PHEX: variants seen among roughly 807,000 people sequenced by gnomAD.
PHEX encodes the protein phosphate-regulating neutral endopeptidase PHEX.
In PHEX, 16 loss-of-function variants were observed where a neutral mutation model predicts 68.0. That is an observed-to-expected ratio of 0.24 (90% CI 0.16 to 0.36). The LOEUF (loss-of-function observed/expected upper bound fraction) is 0.36. PHEX is among the 10% of genes least tolerant of loss of function. The pLI is 1.00. For synonymous variants in PHEX, 208 were observed against 205.1 expected (o/e 1.01, Z -0.12); for missense variants, 480 against 575.5 (o/e 0.83, Z 1.70).
At chrX:22,124,280 T>C (rs1931622913) in intron 11 of PHEX, among the ~76,000 whole-genome samples, 1 of 112,344 alleles carries the variant, frequency 8.9e-6, no homozygotes, top group Non-Finnish European at 1.9e-5. Context: ...AGATAGCTCA[T>C]TGGGAATTCT....
intron 3 of PHEX, among the ~76,000 whole-genome samples, chrX:22,053,011 G>T (rs1927911003): frequency 1.8e-5 from 2 of 111,675 alleles, no homozygotes; most frequent in Non-Finnish European, 3.8e-5. Context: ...TAGGGATTTT[G>T]TGAAGATTAA....
chrX:22,138,541 T>C (rs1007372994), intron 12 of PHEX, among the ~76,000 whole-genome samples: 5 of 111,558 alleles, frequency 4.5e-5, no homozygotes, highest in African/African-American at 1.6e-4. Flanking sequence ...CTCTGCCCCT[T>C]TCTCTCTTCC....
intron 12 of PHEX, among the ~76,000 whole-genome samples, chrX:22,134,914 C>G (rs1932167393): frequency 9.0e-6 from 1 of 111,522 alleles, no homozygotes; most frequent in African/African-American, 3.3e-5. Flanking sequence ...TGCCTGGAGT[C>G]ATACTGAGTC....
intron 15 of PHEX, among the ~76,000 whole-genome samples, chrX:22,205,674 A>C (rs1360429731): frequency 4.3e-5 from 4 of 94,017 alleles, no homozygotes; most frequent in Non-Finnish European, 8.4e-5. Flanking sequence ...TTAATACTTT[A>C]TTAATATTAA....
intron 9 of PHEX, among the ~76,000 whole-genome samples, chrX:22,108,465 T>C (rs1268753989): frequency 9.0e-6 from 1 of 110,560 alleles, no homozygotes; most frequent in Admixed American, 9.7e-5. Context: ...ACTATACAAT[T>C]TATCCATATA....
At chrX:22,098,943 T>C in intron 8 of PHEX, 63 bp from the exon 9 acceptor site, 1 of 1,040,244 alleles carries the variant, frequency 9.6e-7, no homozygotes, top group Non-Finnish European at 1.3e-6. Context: ...CTACTCTATC[T>C]GCCTTTCTTA....
intron 7 of PHEX, among the ~76,000 whole-genome samples, chrX:22,094,850 T>C (rs973635450): frequency 8.9e-6 from 1 of 112,292 alleles, no homozygotes; most frequent in Admixed American, 9.4e-5. Flanking sequence ...GTTTATGGAA[T>C]AACTTTTTTC....
At chrX:22,209,817 CCT>C (rs1340582002) in intron 15 of PHEX, among the ~76,000 whole-genome samples, 3 of 105,756 alleles carry the variant, frequency 2.8e-5, no homozygotes, top group Admixed American at 1.0e-4. Context: ...CCCTCTCCTC[CCT>C]CTGTCTCCTC....
At chrX:22,056,081 G>T (rs1296294557) in intron 3 of PHEX, among the ~76,000 whole-genome samples, 1 of 112,235 alleles carries the variant, frequency 8.9e-6, no homozygotes, top group African/African-American at 3.2e-5. Context: ...ATGATATTCA[G>T]CTGGCGGGAA....
chrX:22,224,229 C>A (rs751046588), intron 18 of PHEX, among the ~76,000 whole-genome samples: 2 of 111,764 alleles, frequency 1.8e-5, no homozygotes, highest in African/African-American at 6.5e-5. Flanking sequence ...GCAATCTGCC[C>A]GCCCCAGCCT....
intron 20 of PHEX, among the ~76,000 whole-genome samples, chrX:22,239,325 TCTC>T (rs934111921): frequency 2.3e-4 from 25 of 111,010 alleles, no homozygotes; most frequent in African/African-American, 4.9e-4. Flanking sequence ...GAACGCCTCT[TCTC>T]CTTCAAAGGA....
chrX:22,116,797 G>T (rs919557737), intron 11 of PHEX, among the ~76,000 whole-genome samples: 1 of 111,235 alleles, frequency 9.0e-6, no homozygotes, highest in African/African-American at 3.3e-5. Context: ...ACAAAGCCTG[G>T]AATGTAACAA....
chrX:22,226,518 G>A lies in PHEX; in HGVS notation c.1965+10G>A, dbSNP rs771859945. ...GCGGGAAGCTTTTAGGGTATGCGCT[G>A]CTACATTTACCGTGGTTCTAAAAAT... is the stretch of plus-strand genomic sequence containing the variant. On this transcript the variant is annotated intron_variant, in intron 19 of 21. Coordinates refer to ENST00000379374, the MANE Select transcript of PHEX (RefSeq NM_000444.6). The A allele has an allele frequency of 1.7e-6, 2 of 1,183,264 alleles. No homozygotes were observed. The highest frequency in any genetic ancestry group is 5.9e-5 in the East Asian group (2 of 33,668).
intron 11 of PHEX, among the ~76,000 whole-genome samples, chrX:22,121,153 T>G (rs1408597121): frequency 8.9e-6 from 1 of 112,487 alleles, no homozygotes; most frequent in Non-Finnish European, 1.9e-5. Context: ...CTTGTTAAAA[T>G]AGTAATGAAG....
intron 15 of PHEX, among the ~76,000 whole-genome samples, chrX:22,212,051 CTTTCTCTGTCCT>C (rs1569428777): frequency 3.6e-5 from 4 of 111,766 alleles, no homozygotes; most frequent in Non-Finnish European, 7.5e-5. Flanking sequence ...ATAATTCACC[CTTTCTCTGTCCT>C]TTTCTGTCAT....
chrX:22,121,673 T>G (rs1931493816), intron 11 of PHEX, among the ~76,000 whole-genome samples: 1 of 112,392 alleles, frequency 8.9e-6, no homozygotes, highest in South Asian at 3.7e-4. Flanking sequence ...AGATTCAGAT[T>G]TTATTAAGTG....
At chrX:22,108,211 G>A (rs919496750) in intron 9 of PHEX, among the ~76,000 whole-genome samples, 4 of 111,858 alleles carry the variant, frequency 3.6e-5, no homozygotes, top group African/African-American at 9.8e-5. Flanking sequence ...GCTGATTAGT[G>A]CAGTGGTGTC....
intron 12 of PHEX, among the ~76,000 whole-genome samples, chrX:22,160,305 T>C (rs1335266443): frequency 9.0e-6 from 1 of 110,889 alleles, no homozygotes; most frequent in African/African-American, 3.3e-5. Flanking sequence ...TCCCAGCACT[T>C]TGGGAGGCTG....
chrX:22,104,193 CCTT>C (rs1402030846), intron 9 of PHEX, among the ~76,000 whole-genome samples: 2 of 111,702 alleles, frequency 1.8e-5, no homozygotes, highest in Admixed American at 1.9e-4. Context: ...GCTGCTTCTC[CCTT>C]CTTATATTAC....
Sources: allele counts gnomAD v4.1 joint callset (sites outside exome capture counted in the v4.1 genomes callset), GRCh38; gene constraint gnomAD v4.1.1; transcripts MANE v1.5; gene names NCBI Gene and HGNC (gene_info 2026-07-23, HGNC 2026-07-21).